Variants in KDM5A observed in about 807,000 individuals in gnomAD.
KDM5A encodes lysine-specific demethylase 5A.
KDM5A carries 42 observed loss-of-function variants against 193.5 expected under a neutral mutation model. The ratio of observed to expected loss-of-function variants is 0.22; its 90% CI spans 0.17 to 0.28. KDM5A has a LOEUF of 0.28. Ranked by LOEUF, KDM5A falls within the 10% of genes least tolerant of loss-of-function variation. KDM5A has a pLI of 1.00. For missense variants in KDM5A, 1,692 were observed against 2,055.1 expected, an observed-to-expected ratio of 0.82 and a Z score of 3.42; for synonymous variants, 796 against 718.1, an observed-to-expected ratio of 1.11 and a Z score of -1.73.
At chr12:330,095 A>ATATATATATATC (rs1437768215) in intron 13 of KDM5A, among the ~76,000 whole-genome samples, 5 of 105,378 alleles carry the variant, frequency 4.7e-5, no homozygotes, top group African/African-American at 1.1e-4. Flanking sequence ...GTATATATAT[A>ATATATATATATC]TATCTTATGA....
chr12:362,398 A>G (rs1944304051), intron 5 of KDM5A, among the ~76,000 whole-genome samples: 1 of 152,212 alleles, frequency 6.6e-6, no homozygotes, highest in Admixed American at 6.5e-5. Flanking sequence ...CTTTGAAATT[A>G]TTTTAGGTTA....
intron 14 of KDM5A, among the ~76,000 whole-genome samples, chr12:327,408 A>G (rs977900085): frequency 3.9e-5 from 6 of 152,194 alleles, no homozygotes; most frequent in African/African-American, 1.4e-4. Context: ...CAAAATAAGA[A>G]TTTTAAGAAT....
At chr12:379,827 T>G (rs933673273) in intron 3 of KDM5A, among the ~76,000 whole-genome samples, 6 of 152,190 alleles carry the variant, frequency 3.9e-5, no homozygotes, top group African/African-American at 1.4e-4. Flanking sequence ...TTATTAGTAG[T>G]ATGAACCTTA....
At chr12:317,498 A>C (rs1326339086) in intron 19 of KDM5A, among the ~76,000 whole-genome samples, 1 of 152,244 alleles carries the variant, frequency 6.6e-6, no homozygotes, top group Admixed American at 6.5e-5. Flanking sequence ...ATCACTAAGC[A>C]TAGGCTCTAA....
chr12:293,692 T>C (rs1288392960), intron 26 of KDM5A, among the ~76,000 whole-genome samples: 1 of 141,392 alleles, frequency 7.1e-6, no homozygotes, highest in African/African-American at 2.7e-5. Context: ...GGCAGGAGAA[T>C]GGCTTGATCC....
At chr12:288,529 C>T (rs1315027640) in intron 27 of KDM5A, among the ~76,000 whole-genome samples, 1 of 152,096 alleles carries the variant, frequency 6.6e-6, no homozygotes, top group African/African-American at 2.4e-5. Flanking sequence ...CATATTCACA[C>T]TTAATAAAAA....
chr12:355,243 A>C lies in KDM5A; in HGVS notation c.785T>G (p.Val262Gly). Reference sequence around the variant, plus strand: ...GTTGGTAACTTTTCGTCTTCGGGTGACCTCATCTTGAAATAAAAAGTTACA... The same window carrying C: ...GTTGGTAACTTTTCGTCTTCGGGTGCCCTCATCTTGAAATAAAAAGTTACA... ...AMGTKDKEDEVTRRRKVTNRS... is the reference protein window; with the variant it reads ...AMGTKDKEDEGTRRRKVTNRS... Residue 262 changes from valine to glycine, a missense_variant, in exon 7 of 28, where the codon GTC (valine) becomes GGC (glycine). Coordinates refer to ENST00000399788, the MANE Select transcript of KDM5A (RefSeq NM_001042603.3). 1.9e-6 allele frequency: 3 copies of C among 1,601,490 alleles called. No homozygotes were observed. The highest frequency in any genetic ancestry group is 3.3e-5 in the Admixed American group (2 of 60,002).
At chr12:363,934 G>A (rs1020738218) in intron 4 of KDM5A, among the ~76,000 whole-genome samples, 3 of 151,814 alleles carry the variant, frequency 2.0e-5, no homozygotes, top group Admixed American at 2.0e-4. Context: ...GATCTGAACA[G>A]ACACTTCACC....
chr12:372,192 T>C (rs1016764044), intron 3 of KDM5A, among the ~76,000 whole-genome samples: 5 of 152,220 alleles, frequency 3.3e-5, no homozygotes, highest in African/African-American at 1.2e-4. Flanking sequence ...CCTTGGGCAG[T>C]ATGGCCATTT....
chr12:311,283 T>C (rs1446911252), intron 20 of KDM5A: 2 of 559,714 alleles, frequency 3.6e-6, no homozygotes, highest in African/African-American at 3.8e-5. Flanking sequence ...ATTTTATTTA[T>C]TAATTGAGAG....
rs554079298 is a variant in KDM5A, at chr12:328,725, A to T, written c.1968+110T>A. On this transcript the variant is annotated intron_variant, in intron 14 of 27. Coordinates refer to ENST00000399788, the MANE Select transcript of KDM5A (RefSeq NM_001042603.3). ...ATATAAAATCTTCTCCAAATCAGTG[A>T]TCTTTATGCTCAACTCCTAGGGGAT... 3.4e-6 allele frequency: 3 copies of T among 893,122 alleles called. No homozygotes were observed. The East Asian group carries it at 7.5e-5, about 22-fold the overall frequency. 55.3% of individuals were successfully genotyped at this position (893,122 alleles called of 1,614,324 possible). A position where few individuals can be genotyped will look rare whatever the true frequency, so the allele number is the denominator to read the frequency against.
intron 10 of KDM5A, 28 bp downstream of exon 10, chr12:350,593 G>A (rs1320293159): frequency 1.2e-6 from 2 of 1,612,912 alleles, no homozygotes; most frequent in East Asian, 2.2e-5. Context: ...CAGCTTGGGG[G>A]TAAGCAAAAG....
chr12:326,783 T>C (rs1309259641), intron 14 of KDM5A, among the ~76,000 whole-genome samples: 2 of 140,618 alleles, frequency 1.4e-5, no homozygotes, highest in Admixed American at 8.1e-5. Flanking sequence ...GAGAATGGCG[T>C]GGACCCGCAG....
At position 350,888 on chromosome 12, in the gene KDM5A, C is replaced by A. The variant is rs1023261031; in HGVS notation, c.1150-109G>T. 7 of 983,404 alleles carry A rather than the reference C, an allele frequency of 7.1e-6. No individual in the cohort carries two copies. The African/African-American group carries it at 9.6e-5, about 14-fold the overall frequency. 60.9% of individuals were successfully genotyped at this position (983,404 alleles called of 1,614,324 possible). On this transcript the variant is annotated intron_variant, in intron 9 of 27. Coordinates refer to ENST00000399788, the MANE Select transcript of KDM5A (RefSeq NM_001042603.3). The stretch of plus-strand genomic sequence containing the variant: ...ACAAACCCATGATGAGATTAAAAAT[C>A]TTCTGATTCCCTAGAGCAGTAAAGA...
Position 283,374 on chromosome 12 carries a change from T to A in KDM5A, c.*2082A>T, listed in dbSNP as rs1943178744. 1 of 232,750 alleles carries A rather than the reference T, an allele frequency of 4.3e-6. No homozygotes were observed. Among genetic ancestry groups the A allele is most frequent in the East Asian group, 6.1e-5 (1 of 16,384 alleles). The allele number at this position is 232,750 out of a possible 1,614,324, so 14.4% of individuals were successfully genotyped here. On this transcript the variant is annotated 3_prime_UTR_variant, in exon 28 of 28. Transcript: ENST00000399788. ...TTGCAATATCCATTGAAATCTTCGA[T>A]CATACACAAACTTACTTCAGATGAG...
chr12:379,040 AAAT>A (rs1191696402), intron 3 of KDM5A, among the ~76,000 whole-genome samples: 25 of 152,070 alleles, frequency 1.6e-4, no homozygotes, highest in African/African-American at 6.0e-4. Flanking sequence ...TTATTATCAA[AAAT>A]AATAGGGAGA....
At chr12:339,646 A>C (rs1168588136) in intron 10 of KDM5A, among the ~76,000 whole-genome samples, 1 of 152,218 alleles carries the variant, frequency 6.6e-6, no homozygotes, top group Admixed American at 6.5e-5. Context: ...TAATCCAAAA[A>C]CAATTACTTA....
At chr12:367,058 A>G (rs919930663) in intron 3 of KDM5A, among the ~76,000 whole-genome samples, 5 of 152,164 alleles carry the variant, frequency 3.3e-5, no homozygotes, top group African/African-American at 1.2e-4. Flanking sequence ...AGGCCATACC[A>G]TCTGGGTTTG....
chr12:316,902 G>C (rs1448500844), intron 19 of KDM5A, among the ~76,000 whole-genome samples: 4 of 152,164 alleles, frequency 2.6e-5, no homozygotes, highest in African/African-American at 9.7e-5. Context: ...GTACACAGAG[G>C]TATTGAAATG....
Sources: gnomAD v4.1 joint callset for allele counts (sites outside exome capture counted in the v4.1 genomes callset) on GRCh38, gnomAD v4.1.1 for gene constraint, MANE v1.5 for transcripts, NCBI Gene and HGNC (gene_info 2026-07-23, HGNC 2026-07-21) for gene names.